The following DPP10 variants were observed in gnomAD, a reference collection of about 807,000 sequenced individuals.
DPP10 encodes the protein inactive dipeptidyl peptidase 10.
A neutral mutation model predicts 120.9 loss-of-function variants in DPP10; 33 were observed. The ratio of observed to expected loss-of-function variants is 0.27; its 90% CI spans 0.21 to 0.37. DPP10 has a LOEUF of 0.37. Among genes scored for constraint, DPP10 ranks in the 10% least tolerant of loss-of-function variants. The pLI, the probability that DPP10 is intolerant of heterozygous loss-of-function variation, is 1.00. For missense variants in DPP10, 816 were observed against 942.8 expected, an observed-to-expected ratio of 0.87 and a Z score of 1.76; for synonymous variants, 337 against 326.1, an observed-to-expected ratio of 1.03 and a Z score of -0.36.
intron 1 of DPP10, among the ~76,000 whole-genome samples, chr2:114,720,941 A>G (rs1406303079): frequency 6.6e-6 from 1 of 152,256 alleles, no homozygotes; most frequent in Non-Finnish European, 1.5e-5. Context: ...AAAGCTGTAT[A>G]AAGTCATGTC....
intron 1 of DPP10, among the ~76,000 whole-genome samples, chr2:115,055,787 C>A (rs534866275): frequency 4.0e-4 from 61 of 152,142 alleles, no homozygotes; most frequent in African/African-American, 8.4e-4. Context: ...AGGATTTGCT[C>A]ACAATTTTGT....
chr2:115,627,373 C>G (rs1329310965), intron 5 of DPP10, among the ~76,000 whole-genome samples: 1 of 152,044 alleles, frequency 6.6e-6, no homozygotes, highest in East Asian at 1.9e-4. Context: ...GGAGAGCACC[C>G]CATGCCACAG....
intron 8 of DPP10, among the ~76,000 whole-genome samples, chr2:115,732,499 A>AG (rs5833626): frequency 0.3 from 45,766 of 152,084 alleles, 7,110 homozygotes; most frequent in Middle Eastern, 0.45. Context: ...ATGCTCAAAA[A>AG]GGAAGATTAT....
chr2:115,432,313 G>A (rs930845042), intron 3 of DPP10, among the ~76,000 whole-genome samples: 1 of 152,022 alleles, frequency 6.6e-6, no homozygotes, highest in Admixed American at 6.6e-5. Flanking sequence ...AAAGAAAGAC[G>A]ATGCAATTTA....
chr2:115,820,435 T>TC (rs927262308), intron 21 of DPP10, among the ~76,000 whole-genome samples: 2 of 151,974 alleles, frequency 1.3e-5, no homozygotes, highest in Non-Finnish European at 2.9e-5. Context: ...TTTTTTCTTT[T>TC]TTTTTTTTAT....
At chr2:115,541,090 T>C (rs2148963037) in intron 5 of DPP10, among the ~76,000 whole-genome samples, 1 of 152,004 alleles carries the variant, frequency 6.6e-6, no homozygotes, top group African/African-American at 2.4e-5. Context: ...ATGTTGTTAA[T>C]AGTCATGATG....
intron 1 of DPP10, among the ~76,000 whole-genome samples, chr2:114,659,498 G>GT (rs1248296475): frequency 6.6e-6 from 1 of 152,028 alleles, no homozygotes; most frequent in Non-Finnish European, 1.5e-5. Context: ...AAGTAATGGG[G>GT]TTTAGTATTA....
intron 1 of DPP10, among the ~76,000 whole-genome samples, chr2:114,558,789 C>T (rs990563647): frequency 6.6e-6 from 1 of 152,190 alleles, no homozygotes; most frequent in Non-Finnish European, 1.5e-5. Flanking sequence ...CATTCTCCTC[C>T]CATGCTATAA....
At chr2:114,713,601 T>C (rs1701164593) in intron 1 of DPP10, among the ~76,000 whole-genome samples, 1 of 152,168 alleles carries the variant, frequency 6.6e-6, no homozygotes, top group Non-Finnish European at 1.5e-5. Context: ...TGATATATGA[T>C]CCAAGATAAA....
intron 1 of DPP10, among the ~76,000 whole-genome samples, chr2:115,152,184 A>G (rs766939799): frequency 5.3e-5 from 8 of 152,244 alleles, no homozygotes; most frequent in Admixed American, 2.6e-4. Flanking sequence ...TAAATATTTT[A>G]CACTGTGTAG....
chr2:115,371,502 T>C (rs538398289), intron 3 of DPP10, among the ~76,000 whole-genome samples: 6 of 152,296 alleles, frequency 3.9e-5, no homozygotes, highest in South Asian at 2.1e-4. Context: ...AATACCTTTT[T>C]CCCTTCTTCA....
chr2:115,189,110 G>A (rs1229539951), intron 1 of DPP10, among the ~76,000 whole-genome samples: 2 of 152,160 alleles, frequency 1.3e-5, no homozygotes, highest in Non-Finnish European at 2.9e-5. Context: ...TTCTCAGCAA[G>A]GCAGTTTTAC....
chr2:114,530,975 A>G (rs1290785481), intron 1 of DPP10, among the ~76,000 whole-genome samples: 1 of 152,126 alleles, frequency 6.6e-6, no homozygotes. Flanking sequence ...AAAAAAAAAC[A>G]TGACTTAATT....
Position 115,331,245 on chromosome 2 carries a change from A to G in DPP10, c.176-12572A>G, listed in dbSNP as rs866817813. 4.7e-4 allele frequency among the ~76,000 whole-genome samples: 71 copies of G among 152,258 alleles called. 1 individual carries two copies. The highest frequency in any genetic ancestry group is 1.5e-3 in the African/African-American group (64 of 41,536). ...CTCTGTCTGTTATTTGTGTATAAGA[A>G]TGCTTGTGATTTTTGCACACTGATT... On this transcript the variant is annotated intron_variant, in intron 2 of 25. Coordinates refer to ENST00000410059, the MANE Select transcript of DPP10 (RefSeq NM_020868.6).
At position 114,772,975 on chromosome 2, in the gene DPP10, T is replaced by C. The variant is rs185662155; in HGVS notation, c.60+330137T>C. Among the ~76,000 whole-genome samples, 359 of 152,314 alleles carry C rather than the reference T, an allele frequency of 2.4e-3. 1 individual carries two copies. The highest frequency in any genetic ancestry group is 8.2e-3 in the African/African-American group (339 of 41,576). On this transcript the variant is annotated intron_variant, in intron 1 of 25. Coordinates refer to ENST00000410059, the MANE Select transcript of DPP10 (RefSeq NM_020868.6). ...ATTGTAGTTTATGAAATTTGGGGGA[T>C]TAAAATCTGGCTTAGAGAGAGTAGG...
intron 13 of DPP10, 55 bp from the exon 14 acceptor site, chr2:115,777,140 ACATTCGTGTTTAC>A (rs1241769853): frequency 3.6e-6 from 5 of 1,381,620 alleles, no homozygotes; most frequent in Non-Finnish European, 5.1e-6. Flanking sequence ...AGCAGTTGGT[ACATTCGTGTTTAC>A]CAGAGAGATG....
At chr2:115,626,809 A>G (rs919906083) in intron 5 of DPP10, among the ~76,000 whole-genome samples, 5 of 152,296 alleles carry the variant, frequency 3.3e-5, no homozygotes, top group East Asian at 3.9e-4. Context: ...TGACTATTCT[A>G]TGTTTCAATA....
chr2:115,047,634 TA>T (rs1039586680), intron 1 of DPP10, among the ~76,000 whole-genome samples: 1 of 151,780 alleles, frequency 6.6e-6, no homozygotes, highest in South Asian at 2.1e-4. Flanking sequence ...TTTTAAAATG[TA>T]AAAAAAAGCA....
At chr2:115,231,986 A>G (rs924083124) in intron 1 of DPP10, among the ~76,000 whole-genome samples, 10 of 152,218 alleles carry the variant, frequency 6.6e-5, no homozygotes, top group Non-Finnish European at 1.5e-4. Context: ...TCACTGGTGT[A>G]GACTCCTGCA....
Sources: gnomAD v4.1 joint callset for allele counts (sites outside exome capture counted in the v4.1 genomes callset) on GRCh38, gnomAD v4.1.1 for gene constraint, MANE v1.5 for transcripts, NCBI Gene and HGNC (gene_info 2026-07-23, HGNC 2026-07-21) for gene names.